The following DOCK4 variants were observed in gnomAD, a reference collection of about 807,000 sequenced individuals.
The protein encoded by DOCK4 is dedicator of cytokinesis 4, also known as dedicator of cytokinesis protein 4.
Under a neutral mutation model 268.1 loss-of-function variants are expected in DOCK4, and 97 were observed. The observed-to-expected ratio is 0.36, with a 90% CI of 0.31 to 0.43. The LOEUF (loss-of-function observed/expected upper bound fraction) is 0.43, where lower values mean the gene tolerates loss of function less well. DOCK4 is among the 20% of genes least tolerant of loss of function. The probability of loss-of-function intolerance (pLI) is 1.00; values close to 1 mark genes in which losing one functional copy is unlikely to be tolerated. For synonymous variants in DOCK4, 954 were observed against 887.2 expected, an observed-to-expected ratio of 1.08 and a Z score of -1.34; for missense variants, 2,145 against 2,455.7, an observed-to-expected ratio of 0.87 and a Z score of 2.67.
intron 1 of DOCK4, among the ~76,000 whole-genome samples, chr7:112,066,739 A>ATATC (rs1807096524): frequency 1.1e-5 from 1 of 91,568 alleles, no homozygotes; most frequent in Admixed American, 1.3e-4. Flanking sequence ...ATATATATAT[A>ATATC]TATCTCCTAT....
intron 36 of DOCK4, among the ~76,000 whole-genome samples, chr7:111,774,745 T>G (rs1007089914): frequency 1.4e-4 from 21 of 152,158 alleles, no homozygotes; most frequent in African/African-American, 5.1e-4. Flanking sequence ...TTGAAGTTTA[T>G]TTTGTAGAAC....
intron 1 of DOCK4, among the ~76,000 whole-genome samples, chr7:112,098,778 C>T (rs976174714): frequency 3.3e-5 from 5 of 149,476 alleles, no homozygotes; most frequent in African/African-American, 7.4e-5. Context: ...GGCTCATGAG[C>T]ATAATTTATA....
chr7:112,145,608 C>A (rs943563371), intron 1 of DOCK4, among the ~76,000 whole-genome samples: 4 of 152,166 alleles, frequency 2.6e-5, no homozygotes, highest in African/African-American at 9.7e-5. Flanking sequence ...AATCTGTATA[C>A]AAACCTAACA....
rs755516513 is a variant in DOCK4 at position 111,755,582 on chromosome 7, G to A, written c.4349C>T (p.Thr1450Met). 1.1e-5 allele frequency: 18 copies of A among 1,613,652 alleles called. No homozygotes were observed. The highest frequency in any genetic ancestry group is 4.5e-5 in the East Asian group (2 of 44,856). The change falls in exon 42 of 53, where the codon ACG becomes ATG. Residue 1450 changes from threonine to methionine, a missense_variant. Thr to Met is a moderately conservative substitution (Grantham distance 81, BLOSUM62 -1). This residue lies in a region of DOCK4 where 1,598 missense variants were observed against 1,986.7 expected (regional missense o/e 0.80). Transcript: ENST00000428084. ...NEFKSLWVERTSLYLVQSLPG... is the reference protein window; with the variant it reads ...NEFKSLWVERMSLYLVQSLPG... ...CAAACTCTGCACCAAGTATAATGACGTTCTCTCCACCCAGAGACTCTACAA... is the reference window on the plus strand; with the variant it reads ...CAAACTCTGCACCAAGTATAATGACATTCTCTCCACCCAGAGACTCTACAA...
At chr7:112,197,241 C>G (rs1820529522) in intron 1 of DOCK4, among the ~76,000 whole-genome samples, 1 of 151,438 alleles carries the variant, frequency 6.6e-6, no homozygotes, top group African/African-American at 2.4e-5. Flanking sequence ...TTCAGGAGTG[C>G]CATAGTATAA....
rs549686483 is a variant in DOCK4 at position 112,206,156 on chromosome 7, G to A, written c.-18C>T. 10 of 1,573,952 alleles carry A rather than the reference G, an allele frequency of 6.4e-6. No individual in the cohort carries two copies. The African/African-American group carries it at 6.7e-5, about 11-fold the overall frequency. ...ATCCACATGGCTAAAGGGGCTCCGG[G>A]GTCTTCAGGCTTTGTAATCCCCGCG... On this transcript the variant is annotated 5_prime_UTR_variant, in exon 1 of 53. Transcript: ENST00000428084.
intron 20 of DOCK4, among the ~76,000 whole-genome samples, chr7:111,870,975 T>C (rs1231522646): frequency 2.6e-5 from 4 of 152,208 alleles, no homozygotes; most frequent in Non-Finnish European, 5.9e-5. Flanking sequence ...CAGCAAAAAA[T>C]CACACTGATG....
At chr7:111,758,276 G>A (rs967590620) in intron 41 of DOCK4, among the ~76,000 whole-genome samples, 1 of 152,086 alleles carries the variant, frequency 6.6e-6, no homozygotes, top group African/African-American at 2.4e-5. Context: ...TCCCACAATT[G>A]GTTCAACATA....
At chr7:111,905,411 A>T (rs1791481801) in intron 13 of DOCK4, among the ~76,000 whole-genome samples, 1 of 152,190 alleles carries the variant, frequency 6.6e-6, no homozygotes, top group Non-Finnish European at 1.5e-5. Context: ...GCCTTTACAC[A>T]TATGAAGGCC....
chr7:112,035,844 G>T (rs996933655), intron 1 of DOCK4, among the ~76,000 whole-genome samples: 3 of 151,988 alleles, frequency 2.0e-5, no homozygotes, highest in Admixed American at 2.0e-4. Context: ...GACCAAAAGG[G>T]CATTCCTACA....
chr7:111,777,512 C>A (rs956008481), intron 36 of DOCK4, among the ~76,000 whole-genome samples: 2 of 152,174 alleles, frequency 1.3e-5, no homozygotes, highest in Non-Finnish European at 2.9e-5. Context: ...AATTATGACA[C>A]CATCTGATGC....
At chr7:111,972,211 A>T (rs935864106) in intron 8 of DOCK4, among the ~76,000 whole-genome samples, 2 of 152,194 alleles carry the variant, frequency 1.3e-5, no homozygotes, top group African/African-American at 4.8e-5. Context: ...CTGTTTAACT[A>T]TGGAAACTTT....
At chr7:111,931,855 T>C (rs1290518296) in intron 12 of DOCK4, among the ~76,000 whole-genome samples, 9 of 152,214 alleles carry the variant, frequency 5.9e-5, no homozygotes, top group Non-Finnish European at 1.0e-4. Flanking sequence ...ATACATTTTT[T>C]CTTTTAATCT....
At chr7:112,199,479 A>G (rs1464286523) in intron 1 of DOCK4, among the ~76,000 whole-genome samples, 3 of 152,146 alleles carry the variant, frequency 2.0e-5, no homozygotes, top group Non-Finnish European at 2.9e-5. Flanking sequence ...TAGTTACCCA[A>G]TGTCATCTTG....
chr7:112,197,970 G>GAAAAA (rs10525534), intron 1 of DOCK4, among the ~76,000 whole-genome samples: 3 of 111,064 alleles, frequency 2.7e-5, no homozygotes, highest in Admixed American at 1.0e-4. Flanking sequence ...GACCTGCCTA[G>GAAAAA]AAAAAAAAAA....
At chr7:111,808,989 T>A in intron 29 of DOCK4, 110 bp from the exon 30 acceptor site, 1 of 1,243,366 alleles carries the variant, frequency 8.0e-7, no homozygotes, top group Non-Finnish European at 1.1e-6. Context: ...AAGGAGTTTT[T>A]AATTAAAGAC....
At chr7:111,824,064 T>C (rs1802214778) in intron 26 of DOCK4, among the ~76,000 whole-genome samples, 1 of 152,192 alleles carries the variant, frequency 6.6e-6, no homozygotes, top group African/African-American at 2.4e-5. Context: ...CACTAGGTCA[T>C]CCATCTTTAA....
chr7:111,872,341 A>G lies in DOCK4; in HGVS notation c.1854T>C (p.Asp618=), dbSNP rs199567909. The G allele has an allele frequency of 1.1e-4, 169 of 1,558,258 alleles. No individual in the cohort carries two copies. Among genetic ancestry groups the G allele is most frequent in the Non-Finnish European group, 1.4e-4 (166 of 1,150,544 alleles). ...AAATTCCAAATAAGGTATCCAGTGT[A>G]TCCTGCAGAAACTGTTAGATAAAGA... ...DGSEIVKFLQ[D]TLDTLFGILD... The change falls in exon 19 of 53, where the codon GAT becomes GAC. Residue 618 remains aspartate (D), a synonymous_variant. Transcript: ENST00000428084.
rs1349034199 is a variant in DOCK4 at position 111,926,575 on chromosome 7, C to T, written c.1066+8965G>A. 7.1e-5 allele frequency among the ~76,000 whole-genome samples: 9 copies of T among 126,270 alleles called. 1 individual carries two copies. The highest frequency in any genetic ancestry group is 5.0e-4 in the East Asian group (2 of 4,026). 82.8% of individuals were successfully genotyped at this position (126,270 alleles called of 152,430 possible). On this transcript the variant is annotated intron_variant, in intron 12 of 52. Transcript: ENST00000428084. ...AAAGGAAGGAAGGAAGCAGGGCGGG[C>T]GGGCAAGGCGGGCAAGGTGGGCAGA...
Sources: allele counts gnomAD v4.1 joint callset (sites outside exome capture counted in the v4.1 genomes callset), GRCh38; gene constraint gnomAD v4.1.1; regional missense constraint gnomAD v4.1.1; transcripts MANE v1.5; gene names NCBI Gene and HGNC (gene_info 2026-07-23, HGNC 2026-07-21).